Variants in TMTC1 observed in about 807,000 individuals in gnomAD.
TMTC1 encodes transmembrane O-mannosyltransferase targeting cadherins 1.
Under a neutral mutation model 104.8 loss-of-function variants are expected in TMTC1, and 73 were observed. The ratio of observed to expected loss-of-function variants is 0.70; its 90% CI spans 0.58 to 0.85. TMTC1 has a LOEUF of 0.85. Ranked by LOEUF, TMTC1 falls within the 40% of genes least tolerant of loss-of-function variation. TMTC1 has a pLI of 0.00. For missense variants in TMTC1, 1,035 were observed against 1,096.1 expected (o/e 0.94, Z 0.79); for synonymous variants, 434 against 428.7 (o/e 1.01, Z -0.15).
chr12:29,721,683 C>A (rs1308961137), intron 5 of TMTC1, among the ~76,000 whole-genome samples: 1 of 152,070 alleles, frequency 6.6e-6, no homozygotes, highest in Non-Finnish European at 1.5e-5. Context: ...ACACCATTAA[C>A]CAGCTTGTTC....
At chr12:29,566,635 A>T (rs988794417) in intron 9 of TMTC1, among the ~76,000 whole-genome samples, 1 of 152,180 alleles carries the variant, frequency 6.6e-6, no homozygotes, top group Non-Finnish European at 1.5e-5. Flanking sequence ...GCTGCGGTCT[A>T]GCTGAGAGGT....
chr12:29,554,242 T>A (rs1198445922), intron 10 of TMTC1, among the ~76,000 whole-genome samples: 1 of 152,168 alleles, frequency 6.6e-6, no homozygotes, highest in African/African-American at 2.4e-5. Context: ...AATAAGTAGA[T>A]CTAATTTTTG....
At chr12:29,536,513 G>A (rs1944648155) in intron 10 of TMTC1, among the ~76,000 whole-genome samples, 196 bp from the exon 11 acceptor site, 1 of 152,246 alleles carries the variant, frequency 6.6e-6, no homozygotes, top group South Asian at 2.1e-4. Context: ...TCCATGGAAA[G>A]AGATGTAAAG....
intron 9 of TMTC1, among the ~76,000 whole-genome samples, chr12:29,565,184 G>A (rs765750269): frequency 2.6e-5 from 4 of 152,242 alleles, no homozygotes; most frequent in Non-Finnish European, 5.9e-5. Context: ...CAGTCTGTGG[G>A]TAGGATTTTC....
At chr12:29,742,816 A>G (rs1243927598) in intron 5 of TMTC1, among the ~76,000 whole-genome samples, 2 of 152,214 alleles carry the variant, frequency 1.3e-5, no homozygotes, top group Non-Finnish European at 2.9e-5. Flanking sequence ...TCATTGCTAC[A>G]TGAATGTTTT....
intron 11 of TMTC1, among the ~76,000 whole-genome samples, chr12:29,525,346 T>A (rs1944311593): frequency 6.6e-6 from 1 of 151,472 alleles, no homozygotes; most frequent in African/African-American, 2.4e-5. Context: ...CCACACCCAG[T>A]GGCTAATTTT....
At chr12:29,599,802 T>C (rs187222043) in intron 7 of TMTC1, among the ~76,000 whole-genome samples, 25 of 152,210 alleles carry the variant, frequency 1.6e-4, no homozygotes, top group Non-Finnish European at 5.9e-5. Flanking sequence ...TTTCCTATTG[T>C]TCACTAAAGT....
At chr12:29,513,167 A>G (rs1400854503) in intron 16 of TMTC1, among the ~76,000 whole-genome samples, 1 of 152,194 alleles carries the variant, frequency 6.6e-6, no homozygotes, top group African/African-American at 2.4e-5. Context: ...ACTTTGAGCA[A>G]GATATGACCT....
At chr12:29,512,231 A>G (rs1943859840) in intron 16 of TMTC1, 111 bp from the exon 17 acceptor site, 3 of 749,942 alleles carry the variant, frequency 4.0e-6, no homozygotes, top group East Asian at 2.6e-5. Context: ...CAATGAAACC[A>G]GCCGCTACTA....
At chr12:29,594,345 G>A (rs1946354646) in intron 7 of TMTC1, among the ~76,000 whole-genome samples, 1 of 152,210 alleles carries the variant, frequency 6.6e-6, no homozygotes, top group African/African-American at 2.4e-5. Context: ...ACTATTTGTT[G>A]CTGTCCTCTC....
At chr12:29,730,491 C>T (rs1256172317) in intron 5 of TMTC1, among the ~76,000 whole-genome samples, 2 of 152,150 alleles carry the variant, frequency 1.3e-5, no homozygotes, top group African/African-American at 4.8e-5. Flanking sequence ...GCCTAGAGAC[C>T]AGGAGATGCT....
At chr12:29,601,177 G>A (rs1270873129) in intron 7 of TMTC1, among the ~76,000 whole-genome samples, 1 of 138,910 alleles carries the variant, frequency 7.2e-6, no homozygotes, top group Non-Finnish European at 1.5e-5. Flanking sequence ...TTAAGATATG[G>A]CAGCATGGGA....
chr12:29,575,123 G>A (rs976819250), intron 8 of TMTC1, among the ~76,000 whole-genome samples: 7 of 152,192 alleles, frequency 4.6e-5, no homozygotes, highest in African/African-American at 1.7e-4. Flanking sequence ...AAGTGGTAGG[G>A]ATGGGACTTG....
chr12:29,780,775 G>A (rs990429277), intron 1 of TMTC1, among the ~76,000 whole-genome samples: 17 of 152,176 alleles, frequency 1.1e-4, no homozygotes, highest in Non-Finnish European at 2.5e-4. Context: ...TTACCATTGG[G>A]GGAAATGGAT....
At chr12:29,757,284 G>A (rs1943236526) in intron 3 of TMTC1, among the ~76,000 whole-genome samples, 1 of 152,114 alleles carries the variant, frequency 6.6e-6, no homozygotes, top group Non-Finnish European at 1.5e-5. Flanking sequence ...AGCCCCACTG[G>A]CATTTTCTGC....
At chr12:29,707,757 T>A (rs1213341711) in intron 5 of TMTC1, among the ~76,000 whole-genome samples, 1 of 152,164 alleles carries the variant, frequency 6.6e-6, no homozygotes, top group South Asian at 2.1e-4. Flanking sequence ...CGCAGTCTCA[T>A]CCGTATGAAC....
At chr12:29,759,608 G>C (rs1413129906) in intron 2 of TMTC1, among the ~76,000 whole-genome samples, 1 of 152,134 alleles carries the variant, frequency 6.6e-6, no homozygotes, top group Non-Finnish European at 1.5e-5. Context: ...CACTGAAAGG[G>C]CCTATAAATA....
At chr12:29,551,539 C>T (rs1427606058) in intron 10 of TMTC1, among the ~76,000 whole-genome samples, 1 of 152,112 alleles carries the variant, frequency 6.6e-6, no homozygotes, top group East Asian at 1.9e-4. Context: ...CTACCTAACA[C>T]TCATATTCTA....
chr12:29,628,303 C>G (rs377031288), intron 6 of TMTC1, among the ~76,000 whole-genome samples: 2 of 152,068 alleles, frequency 1.3e-5, no homozygotes, highest in South Asian at 4.1e-4. Context: ...AAAGGAACAA[C>G]GTGGTACAAC....
Sources: allele counts gnomAD v4.1 joint callset (sites outside exome capture counted in the v4.1 genomes callset), GRCh38; gene constraint gnomAD v4.1.1; transcripts MANE v1.5; gene names NCBI Gene and HGNC (gene_info 2026-07-23, HGNC 2026-07-21).